The following B4GALNT3 variants were observed in gnomAD, a reference collection of about 807,000 sequenced individuals.
The protein encoded by B4GALNT3 is beta-1,4-N-acetylgalactosaminyltransferase 3.
A neutral mutation model predicts 120.2 loss-of-function variants in B4GALNT3; 86 were observed. That is an observed-to-expected ratio of 0.72 (90% CI 0.60 to 0.86). B4GALNT3 has a LOEUF of 0.86. Among genes scored for constraint, B4GALNT3 ranks in the 40% least tolerant of loss-of-function variants. The probability of loss-of-function intolerance (pLI) is 0.00; values close to 1 mark genes in which losing one functional copy is unlikely to be tolerated. For synonymous variants in B4GALNT3, 518 were observed against 510.4 expected, an observed-to-expected ratio of 1.01 and a Z score of -0.20; for missense variants, 1,167 against 1,298.9, an observed-to-expected ratio of 0.90 and a Z score of 1.56.
intron 1 of B4GALNT3, among the ~76,000 whole-genome samples, chr12:483,109 C>T (rs182191916): frequency 3.2e-4 from 49 of 152,034 alleles, no homozygotes; most frequent in Non-Finnish European, 6.0e-4. Context: ...AGGGTCTTAC[C>T]GTGTTGCCCA....
At chr12:554,518 C>T (rs1036654434) in intron 14 of B4GALNT3, among the ~76,000 whole-genome samples, 20 of 152,244 alleles carry the variant, frequency 1.3e-4, no homozygotes, top group Middle Eastern at 3.4e-3. Flanking sequence ...AGGCTGGGCG[C>T]GGTGGCTCAC....
At chr12:533,670 T>C (rs1239025824) in intron 1 of B4GALNT3, among the ~76,000 whole-genome samples, 1 of 152,192 alleles carries the variant, frequency 6.6e-6, no homozygotes, top group African/African-American at 2.4e-5. Context: ...CTCGGAGCGC[T>C]CTTTCCCTAT....
chr12:513,581 G>GATATGA, intron 1 of B4GALNT3, among the ~76,000 whole-genome samples: 1 of 152,194 alleles, frequency 6.6e-6, no homozygotes. Flanking sequence ...TGTTTTATCA[G>GATATGA]CAAGGTCTTT....
chr12:515,240 C>T lies in B4GALNT3; in HGVS notation c.170-19926C>T, dbSNP rs573340197. 2.0e-4 allele frequency among the ~76,000 whole-genome samples: 31 copies of T among 152,218 alleles called. No individual in the cohort carries two copies. In the South Asian group the frequency reaches 6.4e-3, roughly 32 times the overall value. ...CTCACTCTGTTGCCAGGCTGGAGTG[C>T]AGTGGCGCAATCTTGGCTTACTGCA... On this transcript the variant is annotated intron_variant, in intron 1 of 19. Transcript: ENST00000266383.
rs750047681 is a variant in B4GALNT3 at position 549,929 on chromosome 12, C to T, written c.997+17C>T. ...TCTATCGAGGTAAGGCCTCGGCCAG[C>T]GCTTGGCGTCCTTTCTGGGGACACT... On this transcript the variant is annotated intron_variant, in intron 10 of 19. Coordinates refer to ENST00000266383, the MANE Select transcript of B4GALNT3 (RefSeq NM_173593.4). 57 of 1,596,414 alleles carry T rather than the reference C, an allele frequency of 3.6e-5. No individual in the cohort carries two copies. The highest frequency in any genetic ancestry group is 4.4e-5 in the Non-Finnish European group (52 of 1,172,030).
chr12:538,297 C>T (rs1174393203), intron 3 of B4GALNT3, among the ~76,000 whole-genome samples: 1 of 152,062 alleles, frequency 6.6e-6, no homozygotes, highest in Admixed American at 6.5e-5. Context: ...TGGCTCAAGC[C>T]TGGAATCCTA....
At position 467,284 on chromosome 12, in the gene B4GALNT3, T is replaced by C. The variant is rs150929892; in HGVS notation, c.169+6739T>C. Among the ~76,000 whole-genome samples, 27 of 152,062 alleles carry C rather than the reference T, an allele frequency of 1.8e-4. No individual in the cohort carries two copies. The East Asian group carries it at 4.1e-3, about 23-fold the overall frequency. ...TGATGATAAAAATAATGCAGCCAGG[T>C]GTGGTGGCTCACACCTGTAATCCCA... On this transcript the variant is annotated intron_variant, in intron 1 of 19. Transcript: ENST00000266383.
At chr12:503,779 G>A (rs1174713616) in intron 1 of B4GALNT3, among the ~76,000 whole-genome samples, 2 of 152,082 alleles carry the variant, frequency 1.3e-5, no homozygotes, top group Admixed American at 1.3e-4. Flanking sequence ...CATTCACCTG[G>A]CAGCATTTGA....
At chr12:559,914 C>T (rs554951126) in intron 19 of B4GALNT3, among the ~76,000 whole-genome samples, 28 of 152,098 alleles carry the variant, frequency 1.8e-4, no homozygotes, top group East Asian at 3.9e-4. Flanking sequence ...CAGGAGGTGC[C>T]GGGTCATGAG....
chr12:544,984 C>T lies in B4GALNT3; in HGVS notation c.538+12C>T. ...CCCCTTTACTGATGGTGAGGCCAGC[C>T]CCAAAACCCCATCCTTCTTCCTGCT... On this transcript the variant is annotated intron_variant, in intron 5 of 19. Transcript: ENST00000266383. The T allele has an allele frequency of 1.2e-6, 2 of 1,612,338 alleles. No individual in the cohort carries two copies. Among genetic ancestry groups the T allele is most frequent in the Non-Finnish European group, 1.7e-6 (2 of 1,178,666 alleles).
intron 3 of B4GALNT3, among the ~76,000 whole-genome samples, chr12:539,648 C>A (rs1946895848): frequency 6.6e-6 from 1 of 152,110 alleles, no homozygotes; most frequent in Non-Finnish European, 1.5e-5. Flanking sequence ...TGTGGTGGCT[C>A]ACACCTGTAA....
chr12:490,742 A>T (rs1201230946), intron 1 of B4GALNT3, among the ~76,000 whole-genome samples: 1 of 147,916 alleles, frequency 6.8e-6, no homozygotes, highest in Non-Finnish European at 1.5e-5. Flanking sequence ...AAAAAAAAAA[A>T]TTACGGACAA....
intron 6 of B4GALNT3, 52 bp downstream of exon 6, chr12:545,521 T>C (rs1212216282): frequency 1.3e-6 from 2 of 1,501,326 alleles, no homozygotes; most frequent in Admixed American, 2.0e-5. Flanking sequence ...AGCCTGTTCA[T>C]TGAGTCCTCC....
intron 1 of B4GALNT3, among the ~76,000 whole-genome samples, chr12:531,248 AG>A (rs1946804463): frequency 1.4e-5 from 2 of 146,246 alleles, no homozygotes; most frequent in Non-Finnish European, 1.5e-5. Context: ...GGGATGCGGG[AG>A]GGTGGGGGGC....
chr12:537,639 C>A (rs1040100899), intron 3 of B4GALNT3, among the ~76,000 whole-genome samples: 1 of 152,150 alleles, frequency 6.6e-6, no homozygotes, highest in Non-Finnish European at 1.5e-5. Context: ...GTAAATAAAT[C>A]GTTATGTCAA....
chr12:511,407 CCTTCCACCTTCCACCTTCCACCTT>C (rs1946555310), intron 1 of B4GALNT3, among the ~76,000 whole-genome samples: 6 of 69,300 alleles, frequency 8.7e-5, no homozygotes, highest in African/African-American at 1.3e-4. Flanking sequence ...CTTCCACCTT[CCTTCCACCTTCCACCTTCCACCTT>C]CTTCCACCTT....
intron 13 of B4GALNT3, chr12:552,797 G>T: frequency 1.9e-6 from 1 of 534,996 alleles, no homozygotes; most frequent in Non-Finnish European, 3.3e-6. Context: ...TGGACTGCTG[G>T]AGGGGCTTGC....
intron 1 of B4GALNT3, among the ~76,000 whole-genome samples, chr12:465,832 G>A (rs11612478): frequency 0.27 from 35,592 of 133,312 alleles, 3,485 homozygotes; most frequent in Admixed American, 0.33. Flanking sequence ...TCCCTGTCCT[G>A]GGAGTTGAGG....
Position 552,045 on chromosome 12 carries a change from T to A in B4GALNT3, c.1108-18T>A. ...GATCTCACTCTCTTACTCCTGCTGC[T>A]GATTTTTCCACTTCCAGGTTCATCT... On this transcript the variant is annotated intron_variant, in intron 11 of 19. Coordinates refer to ENST00000266383, the MANE Select transcript of B4GALNT3 (RefSeq NM_173593.4). The A allele has an allele frequency of 6.4e-7, 1 of 1,553,456 alleles. No individual in the cohort carries two copies. The highest frequency in any genetic ancestry group is 8.9e-7 in the Non-Finnish European group (1 of 1,124,868).
Sources: gnomAD v4.1 joint callset for allele counts (sites outside exome capture counted in the v4.1 genomes callset) on GRCh38, gnomAD v4.1.1 for gene constraint, MANE v1.5 for transcripts, NCBI Gene and HGNC (gene_info 2026-07-23, HGNC 2026-07-21) for gene names.